Variants in CD3D observed in about 807,000 individuals in gnomAD.
CD3D encodes the protein CD3 delta subunit of T-cell receptor complex.
Under a neutral mutation model 22.0 loss-of-function variants are expected in CD3D, and 22 were observed. That is an observed-to-expected ratio of 1.00 (90% CI 0.71 to 1.43). CD3D has a LOEUF of 1.43. Among genes scored for constraint, CD3D ranks in the 40% most tolerant of loss-of-function variants. CD3D has a pLI of 0.00. For missense variants in CD3D, 205 were observed against 211.7 expected (o/e 0.97, Z 0.20); for synonymous variants, 74 against 81.2 (o/e 0.91, Z 0.48).
chr11:118,340,171 G>A (rs545467729), intron 2 of CD3D, among the ~76,000 whole-genome samples: 2 of 152,142 alleles, frequency 1.3e-5, no homozygotes, highest in Non-Finnish European at 2.9e-5. Flanking sequence ...CAAGGCTGCA[G>A]TAACATGACC....
In CD3D at chr11:118,339,086, G is replaced by A. The variant is rs1948274899; in HGVS notation, c.*76C>T. 1 of 1,275,584 alleles carries A rather than the reference G, an allele frequency of 7.8e-7. No homozygotes were observed. Among genetic ancestry groups the A allele is most frequent in the Admixed American group, 1.7e-5 (1 of 59,556 alleles). 79.0% of individuals were successfully genotyped at this position (1,275,584 alleles called of 1,614,324 possible). A position where few individuals can be genotyped will look rare whatever the true frequency, so the allele number is the denominator to read the frequency against. On this transcript the variant is annotated 3_prime_UTR_variant, in exon 5 of 5. Coordinates refer to ENST00000300692, the MANE Select transcript of CD3D (RefSeq NM_000732.6). The stretch of plus-strand genomic sequence containing the variant: ...GCCCAGGCACCTGCTGAGTGAAAGA[G>A]GATATATTTATTGGCTGAGCAAGAA...
rs1328382586 is a variant in CD3D at position 118,340,642 on chromosome 11, C to T, written c.56-49G>A. ...TTGGAGACAGCTCTTTGATCTGCAC[C>T]AAGCCCTTTGTTCTGCGGAAGCTCA... On this transcript the variant is annotated intron_variant, in intron 1 of 4. Coordinates refer to ENST00000300692, the MANE Select transcript of CD3D (RefSeq NM_000732.6). 8 of 1,339,154 alleles carry T rather than the reference C, an allele frequency of 6.0e-6. No homozygotes were observed. The South Asian group carries it at 9.7e-5, about 16-fold the overall frequency. 83.0% of individuals were successfully genotyped at this position (1,339,154 alleles called of 1,614,324 possible). A position where few individuals can be genotyped will look rare whatever the true frequency, so the allele number is the denominator to read the frequency against.
At position 118,342,597 on chromosome 11, in the gene CD3D, C is replaced by T. The variant is rs1948310582; in HGVS notation, c.11G>A (p.Ser4Asn). MEH[S>N]TFLSGLVLAT... The stretch of plus-strand genomic sequence containing the variant: ...CAGTACCAGGCCAGAGAGAAACGTG[C>T]TATGTTCCATCTCCCAGCGGAACTC... The change falls in exon 1 of 5, where the codon AGC (serine) becomes AAC (asparagine). Residue 4 changes from serine to asparagine, a missense_variant. Ser to Asn is a conservative substitution (Grantham distance 46). Transcript: ENST00000300692. The T allele has an allele frequency of 2.5e-6, 4 of 1,613,626 alleles. No individual in the cohort carries two copies. Among genetic ancestry groups the T allele is most frequent in the African/African-American group, 1.3e-5 (1 of 74,882 alleles).
intron 3 of CD3D, 138 bp downstream of exon 3, chr11:118,339,637 G>T: frequency 6.4e-7 from 1 of 1,553,648 alleles, no homozygotes; most frequent in Non-Finnish European, 8.8e-7. Flanking sequence ...TTAGGAGATT[G>T]CAAGAGTAAC....
intron 1 of CD3D, chr11:118,341,057 T>A: frequency 2.4e-6 from 1 of 424,510 alleles, no homozygotes; most frequent in Non-Finnish European, 4.8e-6. Context: ...CTTATCCTCA[T>A]CCTTCCTCAT....
chr11:118,340,582 T>C lies in CD3D; in HGVS notation c.67A>G (p.Lys23Glu), dbSNP rs199969175. Reference sequence around the variant, plus strand: ...TCCTCAAGTTCCTCTATAGGTATCTTGAAGGGGCTCACTAAAGGGGAAAAA... The same window carrying C: ...TCCTCAAGTTCCTCTATAGGTATCTCGAAGGGGCTCACTAAAGGGGAAAAA... ...ATLLSQVSPF[K>E]IPIEELEDRV... The change falls in exon 2 of 5, where the codon AAG becomes GAG. Residue 23 changes from lysine (K) to glutamate (E), a missense_variant. Transcript: ENST00000300692. The C allele has an allele frequency of 1.4e-5, 22 of 1,613,266 alleles. No individual in the cohort carries two copies. In the East Asian group the frequency reaches 1.8e-4, roughly 13 times the overall value.
intron 1 of CD3D, 130 bp downstream of exon 1, chr11:118,342,423 G>T: frequency 1.3e-6 from 1 of 778,464 alleles, no homozygotes; most frequent in Non-Finnish European, 2.3e-6. Flanking sequence ...CTCCCACTTC[G>T]GCCTCCCAAA....
intron 1 of CD3D, 94 bp downstream of exon 1, chr11:118,342,451 GTGAGCCAC>G (rs2134061423): frequency 2.7e-5 from 28 of 1,049,236 alleles, no homozygotes; most frequent in Non-Finnish European, 4.2e-5. Context: ...GATTACTGGT[GTGAGCCAC>G]CGTGCCTGGC....
rs764487609 is a variant in CD3D, at chr11:118,342,642, G to C, written c.-35C>G. 6.3e-7 allele frequency: 1 copy of C among 1,598,622 alleles called. No homozygotes were observed. Among genetic ancestry groups the C allele is most frequent in the Non-Finnish European group, 8.6e-7 (1 of 1,166,118 alleles). On this transcript the variant is annotated 5_prime_UTR_variant, in exon 1 of 5. Coordinates refer to ENST00000300692, the MANE Select transcript of CD3D (RefSeq NM_000732.6). The stretch of plus-strand genomic sequence containing the variant: ...GAACTCATCCAGTAGATAAAGCCAG[G>C]TCACCGAACTATCAGCCTGGGTGAG...
intron 1 of CD3D, among the ~76,000 whole-genome samples, chr11:118,341,895 C>G (rs1948302886): frequency 6.6e-6 from 1 of 152,152 alleles, no homozygotes; most frequent in Admixed American, 6.5e-5. Context: ...CATGGCCAAA[C>G]AAACAAGAGT....
At chr11:118,340,086 C>T (rs1241149851) in intron 2 of CD3D, among the ~76,000 whole-genome samples, 180 bp from the exon 3 acceptor site, 1 of 152,116 alleles carries the variant, frequency 6.6e-6, no homozygotes, top group Non-Finnish European at 1.5e-5. Context: ...CCTAAGGAAT[C>T]CCTGGGAAGA....
chr11:118,340,010 A>T (rs1267130806), intron 2 of CD3D, 104 bp from the exon 3 acceptor site: 1 of 1,361,120 alleles, frequency 7.3e-7, no homozygotes, highest in African/African-American at 1.4e-5. Context: ...CCAAAACCCA[A>T]ACTTCAATAA....
rs1385313548 is a variant in CD3D, at chr11:118,339,239, G to A, written c.451-12C>T. ...CGATCTCGGAGGGGCTAAGAGAGGA[G>A]AAGAGAAAACGGTCAGGAGGCAGGG... On this transcript the variant is annotated splice_polypyrimidine_tract_variant and intron_variant, in intron 4 of 4. Coordinates refer to ENST00000300692, the MANE Select transcript of CD3D (RefSeq NM_000732.6). The A allele has an allele frequency of 1.9e-6, 3 of 1,612,768 alleles. No homozygotes were observed. Among genetic ancestry groups the A allele is most frequent in the South Asian group, 1.1e-5 (1 of 91,046 alleles).
At chr11:118,341,966 C>T (rs545678056) in intron 1 of CD3D, among the ~76,000 whole-genome samples, 1 of 152,276 alleles carries the variant, frequency 6.6e-6, no homozygotes, top group South Asian at 2.1e-4. Flanking sequence ...CTCCCATGGC[C>T]AGTCCCAGAT....
intron 1 of CD3D, chr11:118,341,038 C>A (rs1474940294): frequency 2.3e-6 from 1 of 442,690 alleles, no homozygotes; most frequent in African/African-American, 2.0e-5. Flanking sequence ...AACACTCCCA[C>A]TTCAGCTTCT....
chr11:118,339,654 C>G, intron 3 of CD3D, 121 bp downstream of exon 3: 1 of 1,568,402 alleles, frequency 6.4e-7, no homozygotes, highest in Non-Finnish European at 8.7e-7. Flanking sequence ...TAACTCCCAG[C>G]TGAGACTAAA....
chr11:118,339,706 T>C, intron 3 of CD3D, 69 bp downstream of exon 3: 3 of 1,253,846 alleles, frequency 2.4e-6, no homozygotes, highest in Non-Finnish European at 3.4e-6. Flanking sequence ...ATAAGCTCAC[T>C]GGTACACACA....
chr11:118,339,266 T>G (rs2134058656), intron 4 of CD3D, 39 bp from the exon 5 acceptor site: 1 of 1,592,082 alleles, frequency 6.3e-7, no homozygotes, highest in Non-Finnish European at 8.6e-7. Context: ...GAGGCAGGGT[T>G]AGAACTCTTC....
At chr11:118,339,072 T>C (rs201900728), downstream of CD3D, 123 of 1,199,440 alleles carry the variant, frequency 1.0e-4, no homozygotes, top group Non-Finnish European at 1.4e-4. Flanking sequence ...CCCAGGCACC[T>C]GCTGAGTGAA....
Sources: allele counts gnomAD v4.1 joint callset (sites outside exome capture counted in the v4.1 genomes callset), GRCh38; gene constraint gnomAD v4.1.1; transcripts MANE v1.5; gene names NCBI Gene and HGNC (gene_info 2026-07-23, HGNC 2026-07-21).